HCK: variants seen among roughly 807,000 people sequenced by gnomAD.
The protein encoded by HCK is HCK proto-oncogene, Src family tyrosine kinase, also known as tyrosine-protein kinase HCK.
In HCK, 40 loss-of-function variants were observed where a neutral mutation model predicts 70.4. The observed-to-expected ratio is 0.57, with a 90% CI of 0.44 to 0.74. The LOEUF (loss-of-function observed/expected upper bound fraction) is 0.74, where lower values mean the gene tolerates loss of function less well. Among genes scored for constraint, HCK ranks in the 30% least tolerant of loss-of-function variants. HCK has a pLI of 0.00. For synonymous variants in HCK, 245 were observed against 263.2 expected (o/e 0.93, Z 0.67); for missense variants, 568 against 697.2 (o/e 0.81, Z 2.09).
At chr20:32,063,229 A>T (rs1257190875) in intron 1 of HCK, among the ~76,000 whole-genome samples, 1 of 152,104 alleles carries the variant, frequency 6.6e-6, no homozygotes, top group African/African-American at 2.4e-5. Flanking sequence ...CCATTACACG[A>T]ATGTGTATGG....
chr20:32,090,256 G>A (rs2045846348), intron 10 of HCK, among the ~76,000 whole-genome samples: 2 of 152,188 alleles, frequency 1.3e-5, no homozygotes, highest in Admixed American at 6.5e-5. Flanking sequence ...TCACAGAGGG[G>A]AAAACAAACC....
At chr20:32,071,820 G>A (rs745511823) in intron 2 of HCK, 38 bp downstream of exon 2, 15 of 1,604,694 alleles carry the variant, frequency 9.3e-6, no homozygotes, top group East Asian at 4.5e-5. Flanking sequence ...GGGGGCTGAC[G>A]GATGCTGCCC....
In HCK at chr20:32,077,380, C is replaced by T. The variant is rs1270247008; in HGVS notation, c.429-2394C>T. On this transcript the variant is annotated intron_variant, in intron 5 of 12. Coordinates refer to ENST00000375852, the MANE Select transcript of HCK (RefSeq NM_002110.5). ...CCCTCCCCAGAAGCAACCAGTTTCTCGTGAGTCCTCCCAGATGCTTCCTCC... is the reference window on the plus strand; with the variant it reads ...CCCTCCCCAGAAGCAACCAGTTTCTTGTGAGTCCTCCCAGATGCTTCCTCC... Among the ~76,000 whole-genome samples, 7 of 152,228 alleles carry T rather than the reference C, an allele frequency of 4.6e-5. No homozygotes were observed. The South Asian group carries it at 1.0e-3, about 22-fold the overall frequency.
At chr20:32,061,987 T>C (rs2045385420) in intron 1 of HCK, among the ~76,000 whole-genome samples, 1 of 148,634 alleles carries the variant, frequency 6.7e-6, no homozygotes, top group Non-Finnish European at 1.5e-5. Context: ...TTGCCCAGGC[T>C]GGACTGCAGT....
intron 9 of HCK, 134 bp downstream of exon 9, chr20:32,086,941 T>G (rs1170791442): frequency 4.0e-6 from 3 of 741,386 alleles, no homozygotes; most frequent in African/African-American, 1.8e-5. Flanking sequence ...CAAGTACTCA[T>G]TGAGAATCTA....
rs74654967 is a variant in HCK at position 32,088,666 on chromosome 20, G to A, written c.1092+22G>A. On this transcript the variant is annotated intron_variant, in intron 10 of 12. Coordinates refer to ENST00000375852, the MANE Select transcript of HCK (RefSeq NM_002110.5). ...CCAGGTGAGAGCCTAACGAGGAAAC[G>A]GGGAAGGGAAACAGGAATTCGATTT... The A allele has an allele frequency of 1.8e-3, 2,939 of 1,598,830 alleles. 45 individuals are homozygous for A. In the African/African-American group the frequency reaches 0.034, roughly 19 times the overall value.
At chr20:32,052,725 C>T (rs1486898793) in intron 1 of HCK, among the ~76,000 whole-genome samples, 2 of 148,056 alleles carry the variant, frequency 1.4e-5, no homozygotes, top group Non-Finnish European at 3.0e-5. Context: ...AGGGGACGCT[C>T]GGGCCCGTGC....
At chr20:32,093,490 C>CGCGTGTGTGTGT (rs1555877467) in intron 10 of HCK, among the ~76,000 whole-genome samples, 2 of 146,326 alleles carry the variant, frequency 1.4e-5, no homozygotes, top group African/African-American at 2.5e-5. Flanking sequence ...TCCTAGGGTT[C>CGCGTGTGTGTGT]GTGTGTGTGT....
At chr20:32,060,636 G>A (rs925656488) in intron 1 of HCK, among the ~76,000 whole-genome samples, 14 of 152,136 alleles carry the variant, frequency 9.2e-5, no homozygotes, top group Non-Finnish European at 1.9e-4. Flanking sequence ...TTGGTCAGAT[G>A]GATAATAAAC....
At chr20:32,074,315 G>A (rs1345982012) in intron 4 of HCK, among the ~76,000 whole-genome samples, 1 of 152,170 alleles carries the variant, frequency 6.6e-6, no homozygotes, top group Non-Finnish European at 1.5e-5. Context: ...TATAGGCACA[G>A]GACCCTGCCA....
chr20:32,084,281 C>T (rs1405036336), intron 7 of HCK, 110 bp from the exon 8 acceptor site: 1 of 1,286,448 alleles, frequency 7.8e-7, no homozygotes, highest in East Asian at 2.5e-5. Flanking sequence ...TGGTGGCAAC[C>T]AGGTGGAACA....
At chr20:32,090,429 T>C in intron 10 of HCK, among the ~76,000 whole-genome samples, 1 of 152,240 alleles carries the variant, frequency 6.6e-6, no homozygotes, top group African/African-American at 2.4e-5. Context: ...ATGTGGGGTT[T>C]CTGTAGTCAC....
In HCK at chr20:32,073,829, A is replaced by G. The variant is rs1455698953; in HGVS notation, c.329+11A>G. 6 of 1,482,510 alleles carry G rather than the reference A, an allele frequency of 4.0e-6. No individual in the cohort carries two copies. The African/African-American group carries it at 7.0e-5, about 17-fold the overall frequency. The allele number at this position is 1,482,510 out of a possible 1,614,324, so 91.8% of individuals were successfully genotyped here. A position where few individuals can be genotyped will look rare whatever the true frequency, so the allele number is the denominator to read the frequency against. On this transcript the variant is annotated intron_variant, in intron 4 of 12. Coordinates refer to ENST00000375852, the MANE Select transcript of HCK (RefSeq NM_002110.5). Reference sequence around the variant, plus strand: ...GGTGGTCCTAGAGGAGTGAGTCCCCATCCCACTCCCCCTAAGACAGACCTG... The same window carrying G: ...GGTGGTCCTAGAGGAGTGAGTCCCCGTCCCACTCCCCCTAAGACAGACCTG...
intron 6 of HCK, among the ~76,000 whole-genome samples, chr20:32,081,957 G>A (rs2045714258): frequency 6.6e-6 from 1 of 152,184 alleles, no homozygotes. Context: ...TGCAGCATGA[G>A]ACCTGTGAAT....
chr20:32,084,286 G>A, intron 7 of HCK, 105 bp from the exon 8 acceptor site: 2 of 1,305,638 alleles, frequency 1.5e-6, no homozygotes, highest in East Asian at 5.0e-5. Flanking sequence ...GCAACCAGGT[G>A]GAACACTGGA....
Position 32,052,367 on chromosome 20 carries a change from T to G in HCK, c.-58T>G. ...CCCCTCAGAGCGTCGCCCCCGCCTC[T>G]AGTTCTAGAAAGTCAGTTTCCCGGC... On this transcript the variant is annotated 5_prime_UTR_variant, in exon 1 of 13. Transcript: ENST00000375852. The G allele has an allele frequency of 8.2e-7, 1 of 1,212,250 alleles. No individual in the cohort carries two copies. The highest frequency in any genetic ancestry group is 1.1e-6 in the Non-Finnish European group (1 of 942,984). The allele number at this position is 1,212,250 out of a possible 1,614,324, so 75.1% of individuals were successfully genotyped here. A position where few individuals can be genotyped will look rare whatever the true frequency, so the allele number is the denominator to read the frequency against.
chr20:32,090,481 T>A (rs1451357744), intron 10 of HCK, among the ~76,000 whole-genome samples: 1 of 152,190 alleles, frequency 6.6e-6, no homozygotes, highest in East Asian at 1.9e-4. Flanking sequence ...TAGCTGCATA[T>A]ATACAAACAG....
At chr20:32,099,252 C>A (rs2045998984) in intron 12 of HCK, 117 bp downstream of exon 12, 5 of 1,105,468 alleles carry the variant, frequency 4.5e-6, no homozygotes, top group Non-Finnish European at 5.2e-6. Context: ...CCTTCCCTCA[C>A]CTTTCCTGTC....
Position 32,052,466 on chromosome 20 carries a change from A to G in HCK, c.42A>G (p.Arg14=). The G allele has an allele frequency of 7.9e-7, 1 of 1,265,614 alleles. No homozygotes were observed. The highest frequency in any genetic ancestry group is 1.0e-6 in the Non-Finnish European group (1 of 997,140). The allele number at this position is 1,265,614 out of a possible 1,614,324, so 78.4% of individuals were successfully genotyped here. The stretch of plus-strand genomic sequence containing the variant: ...GCTGCGAGGATCCGGGCTGCCCGCG[A>G]GACGAGGAGCGGGCGCCCAGGTGAG... Residue 14 remains arginine (R), a synonymous_variant, in exon 1 of 13, where the codon CGA becomes CGG. Coordinates refer to ENST00000375852, the MANE Select transcript of HCK (RefSeq NM_002110.5).
Sources: gnomAD v4.1 joint callset for allele counts (sites outside exome capture counted in the v4.1 genomes callset) on GRCh38, gnomAD v4.1.1 for gene constraint, MANE v1.5 for transcripts, NCBI Gene and HGNC (gene_info 2026-07-23, HGNC 2026-07-21) for gene names.